The following KIF26B variants were observed in gnomAD, a reference collection of about 807,000 sequenced individuals.
KIF26B encodes the protein kinesin-like protein KIF26B.
KIF26B carries 63 observed loss-of-function variants against 151.2 expected under a neutral mutation model. That is an observed-to-expected ratio of 0.42 (90% confidence interval 0.34 to 0.51). KIF26B has a LOEUF of 0.51. Among genes scored for constraint, KIF26B ranks in the 20% least tolerant of loss-of-function variants. The pLI is 0.07. For missense variants in KIF26B, 2,813 were observed against 2,913.6 expected (o/e 0.97, Z 0.79); for synonymous variants, 1,357 against 1,262.1 (o/e 1.08, Z -1.59).
At position 245,156,311 on chromosome 1, in the gene KIF26B, C is replaced by T. The variant is rs1275184912; in HGVS notation, c.93C>T (p.Pro31=). Residue 31 remains proline, a synonymous_variant, in exon 2 of 15, where the codon CCC becomes CCT. Coordinates refer to ENST00000407071, the MANE Select transcript of KIF26B (RefSeq NM_018012.4). ...GVNEVCSPTK[P]AAPFSPESWY... is the part of the protein sequence containing the mutation. ...ATGAAGTCTGCTCGCCCACCAAGCCCGCAGCGCCCTTCTCCCCGGAAAGCT... is the reference window on the plus strand; with the variant it reads ...ATGAAGTCTGCTCGCCCACCAAGCCTGCAGCGCCCTTCTCCCCGGAAAGCT... 14 of 1,547,602 alleles carry T rather than the reference C, an allele frequency of 9.0e-6. No homozygotes were observed. The highest frequency in any genetic ancestry group is 1.2e-5 in the Non-Finnish European group (14 of 1,146,020).
chr1:245,221,171 C>T (rs1199867501), intron 2 of KIF26B, among the ~76,000 whole-genome samples: 1 of 151,800 alleles, frequency 6.6e-6, no homozygotes, highest in Non-Finnish European at 1.5e-5. Context: ...AGCCTATATC[C>T]AAATATTTCT....
intron 2 of KIF26B, among the ~76,000 whole-genome samples, chr1:245,262,557 C>T (rs776203542): frequency 3.3e-5 from 5 of 152,014 alleles, no homozygotes; most frequent in African/African-American, 7.2e-5. Flanking sequence ...GGGGTTCAAG[C>T]GATTCTCCTG....
At chr1:245,357,991 AC>A (rs1253909061) in intron 2 of KIF26B, among the ~76,000 whole-genome samples, 12 of 152,130 alleles carry the variant, frequency 7.9e-5, no homozygotes, top group African/African-American at 2.7e-4. Context: ...ATCATAGCTC[AC>A]TGCATCCTCA....
chr1:245,387,618 G>C (rs555810508), intron 3 of KIF26B, among the ~76,000 whole-genome samples: 1 of 152,280 alleles, frequency 6.6e-6, no homozygotes, highest in East Asian at 1.9e-4. Flanking sequence ...GCTTGAGCCT[G>C]CAGGTCTAGA....
intron 2 of KIF26B, among the ~76,000 whole-genome samples, chr1:245,207,687 A>G (rs1396018237): frequency 1.3e-5 from 2 of 152,182 alleles, no homozygotes; most frequent in Non-Finnish European, 2.9e-5. Flanking sequence ...GATGGTCTAC[A>G]TTGAAGGCCT....
chr1:245,426,328 A>G (rs1392854762), intron 4 of KIF26B, among the ~76,000 whole-genome samples: 2 of 151,902 alleles, frequency 1.3e-5, no homozygotes. Flanking sequence ...TTTCTGGATA[A>G]ATGTTGGTGT....
At chr1:245,356,034 TTCTGATACAGGGGG>T (rs1672688071) in intron 2 of KIF26B, among the ~76,000 whole-genome samples, 1 of 152,102 alleles carries the variant, frequency 6.6e-6, no homozygotes, top group Non-Finnish European at 1.5e-5. Flanking sequence ...TCCCCAGAGA[TTCTGATACAGGGGG>T]TCTGAGAGGG....
chr1:245,344,901 G>T (rs1672415033), intron 2 of KIF26B, among the ~76,000 whole-genome samples: 1 of 152,080 alleles, frequency 6.6e-6, no homozygotes, highest in African/African-American at 2.4e-5. Context: ...AGGTGATACC[G>T]CTTCTTTCCT....
intron 2 of KIF26B, among the ~76,000 whole-genome samples, chr1:245,287,498 C>T (rs3952442): frequency 0.62 from 67,409 of 108,958 alleles, 21,858 homozygotes; most frequent in African/African-American, 0.75. Flanking sequence ...CTCTCTCTCT[C>T]TTTTTTTTTT....
chr1:245,326,716 A>C (rs1446378317), intron 2 of KIF26B, among the ~76,000 whole-genome samples: 1 of 152,200 alleles, frequency 6.6e-6, no homozygotes, highest in Non-Finnish European at 1.5e-5. Context: ...TCAGGAGGAC[A>C]AGCTTTTGGT....
At chr1:245,459,908 T>C (rs1439050228) in intron 4 of KIF26B, among the ~76,000 whole-genome samples, 3 of 152,084 alleles carry the variant, frequency 2.0e-5, no homozygotes, top group Admixed American at 1.3e-4. Context: ...TTTTTTTTTT[T>C]TCCCTGCCTG....
At chr1:245,171,608 G>A (rs4397644) in intron 2 of KIF26B, among the ~76,000 whole-genome samples, 149,174 of 152,350 alleles carry the variant, frequency 0.98, 73,113 homozygotes, top group East Asian at 1. Flanking sequence ...AAGGCCATTA[G>A]TTTTTAACAC....
At chr1:245,376,099 C>T (rs955299007) in intron 3 of KIF26B, among the ~76,000 whole-genome samples, 2 of 151,682 alleles carry the variant, frequency 1.3e-5, no homozygotes, top group African/African-American at 4.8e-5. Flanking sequence ...ATGGAAGGAA[C>T]GGGAGGGGAA....
chr1:245,657,774 A>G (rs927721052), intron 10 of KIF26B, among the ~76,000 whole-genome samples: 3 of 152,102 alleles, frequency 2.0e-5, no homozygotes, highest in Admixed American at 2.0e-4. Flanking sequence ...ACCCTACTCC[A>G]GTACTGTACT....
At chr1:245,171,913 C>G (rs779753842) in intron 2 of KIF26B, among the ~76,000 whole-genome samples, 1 of 152,232 alleles carries the variant, frequency 6.6e-6, no homozygotes, top group Non-Finnish European at 1.5e-5. Flanking sequence ...CGTGTTTTGT[C>G]TGCTGCATGG....
chr1:245,208,506 G>A (rs1337336084), intron 2 of KIF26B, among the ~76,000 whole-genome samples: 1 of 152,144 alleles, frequency 6.6e-6, no homozygotes, highest in Non-Finnish European at 1.5e-5. Flanking sequence ...GCTGCTTGAC[G>A]CTCATTTTCC....
chr1:245,360,150 G>A (rs766459686), intron 2 of KIF26B, among the ~76,000 whole-genome samples: 8 of 152,098 alleles, frequency 5.3e-5, no homozygotes, highest in Non-Finnish European at 1.0e-4. Context: ...TGGGATTACA[G>A]GTGTGAGCCA....
rs796722836 is a variant in KIF26B at position 245,640,160 on chromosome 1, T to TATATATATACAC, written c.2099-5960_2099-5959insTATATATACACA. ...CTCTCTCTCTATATATATATATATATACCCTGCTATTTGGTTATATATATT... is the reference window on the plus strand; with the variant it reads ...CTCTCTCTCTATATATATATATATATATATATATACACACCCTGCTATTTGGTTATATATATT... On this transcript the variant is annotated intron_variant, in intron 9 of 14. Transcript: ENST00000407071. Among the ~76,000 whole-genome samples, 247 of 54,680 alleles carry TATATATATACAC rather than the reference T, an allele frequency of 4.5e-3. 22 individuals carry two copies. The highest frequency in any genetic ancestry group is 8.9e-3 in the Middle Eastern group (1 of 112). The allele number at this position is 54,680 out of a possible 152,430, so 35.9% of individuals were successfully genotyped here.
intron 2 of KIF26B, among the ~76,000 whole-genome samples, chr1:245,248,598 C>T (rs1365458120): frequency 1.3e-5 from 2 of 152,200 alleles, no homozygotes; most frequent in Non-Finnish European, 1.5e-5. Flanking sequence ...AGAACTAAAT[C>T]GTAATGAGCC....
Sources: gnomAD v4.1 joint callset for allele counts (sites outside exome capture counted in the v4.1 genomes callset) on GRCh38, gnomAD v4.1.1 for gene constraint, MANE v1.5 for transcripts, NCBI Gene and HGNC (gene_info 2026-07-23, HGNC 2026-07-21) for gene names.